Variants in EIF2AK2 observed in about 807,000 individuals in gnomAD.
EIF2AK2 encodes interferon-induced, double-stranded RNA-activated protein kinase.
EIF2AK2 carries 40 observed loss-of-function variants against 70.5 expected under a neutral mutation model. The observed-to-expected ratio is 0.57, with a 90% CI of 0.44 to 0.74. The LOEUF (loss-of-function observed/expected upper bound fraction) is 0.74, where lower values mean the gene tolerates loss of function less well. EIF2AK2 is among the 30% of genes least tolerant of loss of function. The pLI is 0.00. For synonymous variants in EIF2AK2, 198 were observed against 220.9 expected (o/e 0.90, Z 0.92); for missense variants, 555 against 644.3 (o/e 0.86, Z 1.50).
rs1297429558 is a variant in EIF2AK2, at chr2:37,111,873, AAAAAAATAT to A, written c.1378-2587_1378-2579del. Among the ~76,000 whole-genome samples the A allele has an allele frequency of 1.9e-4, 8 of 42,676 alleles. No homozygotes were observed. In the East Asian group the frequency reaches 2.3e-3, roughly 12 times the overall value. The allele number at this position is 42,676 out of a possible 152,430, so 28.0% of individuals were successfully genotyped here. ...CAAGACCCTGTCTCAAAAAAAAAAA[AAAAAAATAT>A]ATATATATATATATATATATATATA... On this transcript the variant is annotated intron_variant, in intron 14 of 16. Transcript: ENST00000233057.
Position 37,138,259 on chromosome 2 carries a change from T to C in EIF2AK2, c.687+11A>G. 1.3e-6 allele frequency: 2 copies of C among 1,596,986 alleles called. No individual in the cohort carries two copies. The highest frequency in any genetic ancestry group is 8.6e-7 in the Non-Finnish European group (1 of 1,168,350). ...AAGATTAAGTAGGAAGCTTCGAGACTAATACGATACCATAAGCAACGAAGA... is the reference window on the plus strand; with the variant it reads ...AAGATTAAGTAGGAAGCTTCGAGACCAATACGATACCATAAGCAACGAAGA... On this transcript the variant is annotated intron_variant, in intron 8 of 16. Transcript: ENST00000233057.
chr2:37,107,288 T>C lies in EIF2AK2; in HGVS notation c.1641A>G (p.Glu547=). ...TVWKKSPEKN[E]RHTC ...CAGAAGGGCTCTAACATGTGTGTCG[T>C]TCATTTTTCTCTGGGCTTTTCTTCC... Residue 547 remains glutamate (E), a synonymous_variant, in exon 17 of 17, where the codon GAA becomes GAG. Transcript: ENST00000233057. The C allele has an allele frequency of 4.3e-6, 7 of 1,613,358 alleles. No homozygotes were observed. Among genetic ancestry groups the C allele is most frequent in the Non-Finnish European group, 5.1e-6 (6 of 1,179,840 alleles).
chr2:37,149,714 A>C (rs1675677875), intron 1 of EIF2AK2, among the ~76,000 whole-genome samples: 1 of 152,228 alleles, frequency 6.6e-6, no homozygotes, highest in Non-Finnish European at 1.5e-5. Flanking sequence ...CAGGAAGTAC[A>C]AACTTCTCTG....
chr2:37,129,636 G>A (rs1057254120), intron 10 of EIF2AK2, among the ~76,000 whole-genome samples: 4 of 152,012 alleles, frequency 2.6e-5, no homozygotes, highest in African/African-American at 9.7e-5. Context: ...GAATACCAAG[G>A]CCCATTAGAA....
chr2:37,126,967 G>GAAAAAAAAAAA (rs57802509), intron 10 of EIF2AK2, among the ~76,000 whole-genome samples: 5 of 52,168 alleles, frequency 9.6e-5, no homozygotes, highest in Non-Finnish European at 1.7e-4. Context: ...CAAAAAAACA[G>GAAAAAAAAAAA]AAAAAAAAAA....
At chr2:37,136,551 T>C (rs1407789483) in intron 9 of EIF2AK2, among the ~76,000 whole-genome samples, 1 of 152,230 alleles carries the variant, frequency 6.6e-6, no homozygotes, top group East Asian at 1.9e-4. Context: ...CCTACTGCCA[T>C]CTTACTGTCA....
At chr2:37,114,175 CT>C (rs1674255647) in intron 14 of EIF2AK2, among the ~76,000 whole-genome samples, 2 of 152,174 alleles carry the variant, frequency 1.3e-5, no homozygotes, top group South Asian at 4.2e-4. Flanking sequence ...GTATGTGCCT[CT>C]AGAGTCCTAG....
At chr2:37,129,617 G>T (rs1224346527) in intron 10 of EIF2AK2, among the ~76,000 whole-genome samples, 1 of 152,070 alleles carries the variant, frequency 6.6e-6, no homozygotes. Context: ...AAGTCTACTG[G>T]CATTAACTGA....
intron 9 of EIF2AK2, 53 bp downstream of exon 9, chr2:37,136,930 A>T: frequency 2.6e-6 from 4 of 1,511,912 alleles, no homozygotes; most frequent in Non-Finnish European, 2.7e-6. Context: ...ACAATAAATA[A>T]GTCTGAAATA....
chr2:37,151,974 G>C (rs543945944), intron 1 of EIF2AK2, among the ~76,000 whole-genome samples: 14 of 152,362 alleles, frequency 9.2e-5, no homozygotes, highest in Admixed American at 7.8e-4. Context: ...GCTGAGGCAG[G>C]AGAATGGCGT....
intron 14 of EIF2AK2, among the ~76,000 whole-genome samples, chr2:37,110,957 T>G (rs1287292248): frequency 6.6e-6 from 1 of 152,186 alleles, no homozygotes; most frequent in Non-Finnish European, 1.5e-5. Flanking sequence ...ATACATACAA[T>G]GGAATTCATT....
intron 13 of EIF2AK2, among the ~76,000 whole-genome samples, chr2:37,118,742 A>G (rs1195945767): frequency 6.6e-6 from 1 of 152,262 alleles, no homozygotes; most frequent in African/African-American, 2.4e-5. Flanking sequence ...CCAATGCATC[A>G]GACATCCAGC....
intron 6 of EIF2AK2, among the ~76,000 whole-genome samples, chr2:37,139,415 C>A (rs1675248860): frequency 1.3e-5 from 2 of 152,114 alleles, no homozygotes; most frequent in South Asian, 4.1e-4. Flanking sequence ...CCAGCCCAGC[C>A]TGGAGTTTAA....
Position 37,107,055 on chromosome 2 carries a change from AGAAT to A in EIF2AK2, c.*214_*217del. 1 of 512,306 alleles carries A rather than the reference AGAAT, an allele frequency of 2.0e-6. No homozygotes were observed. Among genetic ancestry groups the A allele is most frequent in the Non-Finnish European group, 3.0e-6 (1 of 328,630 alleles). The allele number at this position is 512,306 out of a possible 1,614,324, so 31.7% of individuals were successfully genotyped here. Reference sequence around the variant, plus strand: ...AGACTCTGTCTTTAAAAAAAAAAAAAGAATAAAGAGATGAGCCAGGAAAAAGTAA... The same window carrying A: ...AGACTCTGTCTTTAAAAAAAAAAAAAAAAGAGATGAGCCAGGAAAAAGTAA... On this transcript the variant is annotated 3_prime_UTR_variant, in exon 17 of 17. Coordinates refer to ENST00000233057, the MANE Select transcript of EIF2AK2 (RefSeq NM_001135651.3).
chr2:37,146,274 T>C (rs1453921393), intron 4 of EIF2AK2, among the ~76,000 whole-genome samples: 1 of 152,224 alleles, frequency 6.6e-6, no homozygotes, highest in Non-Finnish European at 1.5e-5. Context: ...GTTTGCCCAA[T>C]GAGGAAATTG....
chr2:37,118,212 G>T (rs1006781025), intron 13 of EIF2AK2, among the ~76,000 whole-genome samples: 15 of 152,072 alleles, frequency 9.9e-5, no homozygotes, highest in African/African-American at 3.4e-4. Flanking sequence ...TATACGGGAG[G>T]CTGAGGTGGG....
intron 14 of EIF2AK2, among the ~76,000 whole-genome samples, chr2:37,114,524 T>C (rs536661159): frequency 4.0e-4 from 61 of 152,218 alleles, no homozygotes; most frequent in African/African-American, 1.5e-3. Context: ...TGGGTGTATA[T>C]TTGTGTTTGT....
intron 1 of EIF2AK2, among the ~76,000 whole-genome samples, chr2:37,154,499 G>T (rs936854663): frequency 3.9e-5 from 6 of 152,018 alleles, no homozygotes; most frequent in Admixed American, 3.3e-4. Context: ...ATTTGATGGG[G>T]TTGCGCATCC....
intron 4 of EIF2AK2, among the ~76,000 whole-genome samples, chr2:37,145,215 T>G (rs1675488086): frequency 6.7e-6 from 1 of 148,536 alleles, no homozygotes; most frequent in Admixed American, 6.8e-5. Context: ...CGATCTCGGC[T>G]CACTGCAACC....
Sources: allele counts gnomAD v4.1 joint callset (sites outside exome capture counted in the v4.1 genomes callset), GRCh38; gene constraint gnomAD v4.1.1; transcripts MANE v1.5; gene names NCBI Gene and HGNC (gene_info 2026-07-23, HGNC 2026-07-21).